Variants in RASGRF2 observed in about 807,000 individuals in gnomAD.
RASGRF2 encodes ras-specific guanine nucleotide-releasing factor 2.
A neutral mutation model predicts 151.0 loss-of-function variants in RASGRF2; 76 were observed. That is an observed-to-expected ratio of 0.50 (90% CI 0.42 to 0.61). The LOEUF is 0.61. Ranked by LOEUF, RASGRF2 falls within the 20% of genes least tolerant of loss-of-function variation. RASGRF2 has a pLI of 0.00. For synonymous variants in RASGRF2, 504 were observed against 566.5 expected (o/e 0.89, Z 1.57); for missense variants, 1,148 against 1,564.6 (o/e 0.73, Z 4.49).
At chr5:81,174,200 A>G (rs1032293375) in intron 17 of RASGRF2, among the ~76,000 whole-genome samples, 3 of 152,244 alleles carry the variant, frequency 2.0e-5, no homozygotes, top group African/African-American at 4.8e-5. Flanking sequence ...TGGCTATCCC[A>G]TGAAGTCAAT....
At chr5:81,139,073 CA>C (rs763101421) in intron 17 of RASGRF2, among the ~76,000 whole-genome samples, 13 of 152,180 alleles carry the variant, frequency 8.5e-5, no homozygotes, top group Non-Finnish European at 5.9e-5. Flanking sequence ...TCACTTCTCT[CA>C]GCGATATTTT....
At chr5:81,115,007 T>TA (rs1161782426) in intron 15 of RASGRF2, among the ~76,000 whole-genome samples, 1 of 152,078 alleles carries the variant, frequency 6.6e-6, no homozygotes, top group Non-Finnish European at 1.5e-5. Flanking sequence ...GTAATGAAAA[T>TA]AAAAATGATT....
At chr5:80,961,717 A>G (rs1747563772) in intron 1 of RASGRF2, among the ~76,000 whole-genome samples, 1 of 152,150 alleles carries the variant, frequency 6.6e-6, no homozygotes, top group Non-Finnish European at 1.5e-5. Context: ...CTTTTAAATG[A>G]ATGCTTTGAA....
At chr5:81,117,690 A>C (rs1167456722) in intron 15 of RASGRF2, among the ~76,000 whole-genome samples, 1 of 152,170 alleles carries the variant, frequency 6.6e-6, no homozygotes, top group African/African-American at 2.4e-5. Context: ...GCATCAACTG[A>C]TAAGTCCGAA....
chr5:81,039,290 A>G (rs1278861866), intron 1 of RASGRF2, among the ~76,000 whole-genome samples: 1 of 152,144 alleles, frequency 6.6e-6, no homozygotes, highest in East Asian at 1.9e-4. Flanking sequence ...TAAAAGGGAT[A>G]TACCTAAAAT....
At chr5:81,131,718 C>T (rs1336887568) in intron 17 of RASGRF2, among the ~76,000 whole-genome samples, 2 of 151,918 alleles carry the variant, frequency 1.3e-5, no homozygotes, top group Non-Finnish European at 2.9e-5. Context: ...GCCTTCCCTT[C>T]CCAAAATTGG....
intron 1 of RASGRF2, among the ~76,000 whole-genome samples, chr5:81,008,615 C>T (rs1341146560): frequency 6.6e-6 from 1 of 152,162 alleles, no homozygotes; most frequent in Admixed American, 6.5e-5. Context: ...TACATACCAG[C>T]ATGACACTTT....
intron 1 of RASGRF2, among the ~76,000 whole-genome samples, chr5:80,969,915 G>A (rs763970915): frequency 5.1e-5 from 7 of 136,404 alleles, no homozygotes; most frequent in Admixed American, 8.0e-5. Context: ...CAACCTCCGC[G>A]ACCTGGGTTC....
rs947164482 is a variant in RASGRF2, at chr5:81,108,112, C to T, written c.1756-884C>T. ...TGTGAGGTCACGTTGCAATCAGCTT[C>T]ACTGCACTATTTAATTATAGCCACA... On this transcript the variant is annotated intron_variant, in intron 12 of 26. Transcript: ENST00000265080. Among the ~76,000 whole-genome samples the T allele has an allele frequency of 5.3e-5, 8 of 152,248 alleles. 1 individual carries two copies. The South Asian group carries it at 1.7e-3, about 31-fold the overall frequency.
At chr5:81,185,438 C>T (rs1045083507) in intron 18 of RASGRF2, among the ~76,000 whole-genome samples, 4 of 152,068 alleles carry the variant, frequency 2.6e-5, no homozygotes, top group Non-Finnish European at 4.4e-5. Flanking sequence ...GGAGGGGTGA[C>T]GCGTAGACAG....
chr5:81,186,662 G>A (rs947011464), intron 18 of RASGRF2, among the ~76,000 whole-genome samples: 3 of 152,048 alleles, frequency 2.0e-5, no homozygotes, highest in Non-Finnish European at 4.4e-5. Flanking sequence ...AATAAATATA[G>A]TCTGAGGTAG....
chr5:81,003,413 CA>C (rs1749154008), intron 1 of RASGRF2, among the ~76,000 whole-genome samples: 3 of 152,054 alleles, frequency 2.0e-5, no homozygotes, highest in Admixed American at 2.0e-4. Flanking sequence ...TTAGTAGAGA[CA>C]GGGTTTCACC....
intron 17 of RASGRF2, among the ~76,000 whole-genome samples, chr5:81,159,497 AT>A (rs1256480650): frequency 6.6e-6 from 1 of 152,280 alleles, no homozygotes; most frequent in Admixed American, 6.5e-5. Context: ...GGGATGTTAC[AT>A]TAAATATCCA....
At chr5:81,166,816 C>G (rs961650028) in intron 17 of RASGRF2, among the ~76,000 whole-genome samples, 1 of 151,966 alleles carries the variant, frequency 6.6e-6, no homozygotes, top group African/African-American at 2.4e-5. Flanking sequence ...ACTGAGAACC[C>G]GAGATGAGGG....
At chr5:81,168,582 A>G (rs988184435) in intron 17 of RASGRF2, among the ~76,000 whole-genome samples, 4 of 152,104 alleles carry the variant, frequency 2.6e-5, no homozygotes, top group Admixed American at 6.6e-5. Flanking sequence ...AAGTGCTCAG[A>G]TTACAAGTGT....
rs1554083706 is a variant in RASGRF2 at position 80,995,692 on chromosome 5, C to CG, written c.288+34666_288+34667insG. ...TGTTTCTTTCCTTTCCTTCCCCCCC[C>CG]CTTTTTTTTTTTTTTTTTGAGATGG... On this transcript the variant is annotated intron_variant, in intron 1 of 26. Transcript: ENST00000265080. Among the ~76,000 whole-genome samples, 914 of 121,954 alleles carry CG rather than the reference C, an allele frequency of 7.5e-3. 37 individuals are homozygous for CG. The highest frequency in any genetic ancestry group is 0.026 in the African/African-American group (865 of 32,922). The allele number at this position is 121,954 out of a possible 152,430, so 80.0% of individuals were successfully genotyped here. A position where few individuals can be genotyped will look rare whatever the true frequency, so the allele number is the denominator to read the frequency against.
intron 2 of RASGRF2, among the ~76,000 whole-genome samples, chr5:81,064,209 G>A (rs1421602650): frequency 6.6e-6 from 1 of 152,190 alleles, no homozygotes; most frequent in African/African-American, 2.4e-5. Flanking sequence ...CTTACCAGTT[G>A]TTGGCTTGAG....
At chr5:81,038,567 CTTTTTTTT>C (rs56205345) in intron 1 of RASGRF2, among the ~76,000 whole-genome samples, 1,199 of 83,974 alleles carry the variant, frequency 0.014, 14 homozygotes, top group African/African-American at 0.048. Flanking sequence ...TAAATATTTG[CTTTTTTTT>C]TTTTTTTTTT....
At position 81,098,456 on chromosome 5, in the gene RASGRF2, T is replaced by C. The variant is rs191603735; in HGVS notation, c.1755+3464T>C. Among the ~76,000 whole-genome samples the C allele has an allele frequency of 3.3e-3, 508 of 151,948 alleles. 2 individuals carry two copies. Among genetic ancestry groups the C allele is most frequent in the Non-Finnish European group, 5.3e-3 (363 of 67,984 alleles). On this transcript the variant is annotated intron_variant, in intron 12 of 26. Transcript: ENST00000265080. The stretch of plus-strand genomic sequence containing the variant: ...AGATCGCCAAGGGAATATGCATAGG[T>C]AGAAGTAAGAGGGCTGCAGACTGAG...
Sources: gnomAD v4.1 joint callset for allele counts (sites outside exome capture counted in the v4.1 genomes callset) on GRCh38, gnomAD v4.1.1 for gene constraint, MANE v1.5 for transcripts, NCBI Gene and HGNC (gene_info 2026-07-23, HGNC 2026-07-21) for gene names.